The following NAALADL2 variants were observed in gnomAD, a reference collection of about 807,000 sequenced individuals.
NAALADL2 encodes inactive N-acetylated-alpha-linked acidic dipeptidase-like protein 2.
NAALADL2 carries 76 observed loss-of-function variants against 87.2 expected under a neutral mutation model. The ratio of observed to expected loss-of-function variants is 0.87; its 90% CI spans 0.72 to 1.05. NAALADL2 has a LOEUF of 1.05. NAALADL2 is among the 50% of genes least tolerant of loss of function. NAALADL2 has a pLI of 0.00. For missense variants in NAALADL2, 1,089 were observed against 945.8 expected, an observed-to-expected ratio of 1.15 and a Z score of -1.99; for synonymous variants, 354 against 331.0, an observed-to-expected ratio of 1.07 and a Z score of -0.75.
intron 1 of NAALADL2, among the ~76,000 whole-genome samples, chr3:174,540,340 T>C (rs1264154332): frequency 1.3e-5 from 2 of 152,164 alleles, no homozygotes; most frequent in African/African-American, 4.8e-5. Context: ...TGGGGTCATT[T>C]CCTGTGCTTA....
At chr3:175,016,838 T>C (rs1036725931) in intron 1 of NAALADL2, among the ~76,000 whole-genome samples, 10 of 152,054 alleles carry the variant, frequency 6.6e-5, no homozygotes, top group African/African-American at 2.2e-4. Context: ...GGTGATATTT[T>C]GGCACATTCA....
At chr3:175,086,845 T>C (rs766301054) in intron 1 of NAALADL2, among the ~76,000 whole-genome samples, 19 of 152,172 alleles carry the variant, frequency 1.2e-4, no homozygotes, top group Non-Finnish European at 2.5e-4. Flanking sequence ...CATACAGATA[T>C]AGCTTATTGC....
chr3:175,156,103 G>A (rs988302287), intron 2 of NAALADL2, among the ~76,000 whole-genome samples: 1 of 152,170 alleles, frequency 6.6e-6, no homozygotes, highest in African/African-American at 2.4e-5. Context: ...AATTTAAGGA[G>A]GTGGAGTAAA....
rs1760406765 is a variant in NAALADL2, at chr3:175,324,318, A to C, written c.1083A>C (p.Pro361=). The change falls in exon 5 of 14, where the codon CCA becomes CCC. Residue 361 remains proline (P), a synonymous_variant. Transcript: ENST00000454872. ...PGGDPSTPGY[P]SVDESFRQSR... The stretch of plus-strand genomic sequence containing the variant: ...GAGACCCTTCTACGCCTGGTTACCC[A>C]AGTGTCGGTAAGTTTGTTGGTCATC... 6.2e-7 allele frequency: 1 copy of C among 1,609,138 alleles called. No homozygotes were observed. Among genetic ancestry groups the C allele is most frequent in the African/African-American group, 1.3e-5 (1 of 74,750 alleles).
At chr3:174,693,660 T>C (rs1197069667) in intron 2 of NAALADL2, among the ~76,000 whole-genome samples, 2 of 152,080 alleles carry the variant, frequency 1.3e-5, no homozygotes, top group African/African-American at 4.8e-5. Context: ...AGAAAAGGAA[T>C]AAAACTGATC....
At chr3:175,337,812 A>C (rs961106915) in intron 5 of NAALADL2, among the ~76,000 whole-genome samples, 1 of 152,218 alleles carries the variant, frequency 6.6e-6, no homozygotes, top group Non-Finnish European at 1.5e-5. Context: ...TTCTAGAAGA[A>C]AAACAAAGAA....
At chr3:175,294,471 T>TAAATATGC (rs1207929849) in intron 4 of NAALADL2, among the ~76,000 whole-genome samples, 3 of 152,162 alleles carry the variant, frequency 2.0e-5, no homozygotes, top group Admixed American at 1.3e-4. Context: ...TACAGTGTCC[T>TAAATATGC]AAATATGCAC....
chr3:175,554,619 GATAAGA>G (rs1714965365), intron 9 of NAALADL2, among the ~76,000 whole-genome samples: 1 of 151,936 alleles, frequency 6.6e-6, no homozygotes, highest in Non-Finnish European at 1.5e-5. Context: ...TGGGTCAAAG[GATAAGA>G]ATATCTTTTT....
At chr3:175,504,592 TCTC>T (rs1730028286) in intron 9 of NAALADL2, among the ~76,000 whole-genome samples, 3 of 136,520 alleles carry the variant, frequency 2.2e-5, no homozygotes, top group Admixed American at 7.8e-5. Context: ...TCTCTCTCTC[TCTC>T]TCTCTCTCTC....
chr3:174,526,227 AGGCATAGTGTAG>A (rs1047233699), intron 1 of NAALADL2, among the ~76,000 whole-genome samples: 1 of 152,124 alleles, frequency 6.6e-6, no homozygotes, highest in African/African-American at 2.4e-5. Context: ...GATATTTTGC[AGGCATAGTGTAG>A]GGCATACTGG....
rs540690092 is a variant in NAALADL2, at chr3:175,020,577, T to C, written c.44-76213T>C. On this transcript the variant is annotated intron_variant, in intron 1 of 13. Coordinates refer to ENST00000454872, the MANE Select transcript of NAALADL2 (RefSeq NM_207015.3). ...ATTTCTGGTACAACTGGCATCATCA[T>C]TATTTGGGAACTTAATAATTTATGG... Among the ~76,000 whole-genome samples the C allele has an allele frequency of 2.0e-5, 3 of 152,216 alleles. No homozygotes were observed. The South Asian group carries it at 6.2e-4, about 32-fold the overall frequency.
chr3:175,709,316 C>T (rs1582971344), intron 11 of NAALADL2, among the ~76,000 whole-genome samples: 1 of 152,070 alleles, frequency 6.6e-6, no homozygotes, highest in East Asian at 1.9e-4. Context: ...CTGACACCTC[C>T]TGTTTTATAC....
intron 1 of NAALADL2, among the ~76,000 whole-genome samples, chr3:174,965,959 T>C (rs1237072888): frequency 1.3e-5 from 2 of 152,076 alleles, no homozygotes; most frequent in Admixed American, 1.3e-4. Context: ...AGTAGGACAA[T>C]GAATTTGCTA....
rs561448277 is a variant in NAALADL2, at chr3:174,790,918, C to G, written c.-9+53172C>G. 9.9e-5 allele frequency among the ~76,000 whole-genome samples: 15 copies of G among 151,978 alleles called. No individual in the cohort carries two copies. The South Asian group carries it at 3.1e-3, about 32-fold the overall frequency. ...TGTTGAGATACAATTTACATAGAAA[C>G]AAAAATACAATCGGAAGATATAAAG... On this transcript the variant is annotated intron_variant, in intron 3 of 3. Transcript: ENST00000434257.
intron 2 of NAALADL2, among the ~76,000 whole-genome samples, chr3:175,207,024 C>G (rs1012177421): frequency 6.6e-6 from 1 of 151,896 alleles, no homozygotes; most frequent in East Asian, 1.9e-4. Context: ...CACAAGTACA[C>G]GTATAGGATT....
chr3:175,053,487 G>A (rs1755681512), intron 1 of NAALADL2, among the ~76,000 whole-genome samples: 1 of 152,138 alleles, frequency 6.6e-6, no homozygotes, highest in Non-Finnish European at 1.5e-5. Context: ...GCAACCAGGG[G>A]GTCCTCGAGA....
At chr3:175,220,717 C>G (rs1024857563) in intron 2 of NAALADL2, among the ~76,000 whole-genome samples, 6 of 151,848 alleles carry the variant, frequency 4.0e-5, no homozygotes, top group African/African-American at 1.4e-4. Context: ...ATTTTTATTT[C>G]CTTTTTAAAA....
chr3:174,460,593 T>C (rs1374941306), intron 1 of NAALADL2, among the ~76,000 whole-genome samples: 1 of 151,152 alleles, frequency 6.6e-6, no homozygotes, highest in Admixed American at 6.6e-5. Context: ...TTCTTTTTTC[T>C]TTTTTTTTCT....
intron 3 of NAALADL2, among the ~76,000 whole-genome samples, chr3:174,822,496 C>T (rs965036326): frequency 6.6e-6 from 1 of 152,054 alleles, no homozygotes; most frequent in African/African-American, 2.4e-5. Flanking sequence ...GTAATTTCTG[C>T]CCACAAATGA....
Sources: gnomAD v4.1 joint callset for allele counts (sites outside exome capture counted in the v4.1 genomes callset) on GRCh38, gnomAD v4.1.1 for gene constraint, MANE v1.5 for transcripts, NCBI Gene and HGNC (gene_info 2026-07-23, HGNC 2026-07-21) for gene names.